UNC80: variants seen among roughly 807,000 people sequenced by gnomAD.
The protein encoded by UNC80 is protein unc-80 homolog.
Under a neutral mutation model 384.6 loss-of-function variants are expected in UNC80, and 164 were observed. That is an observed-to-expected ratio of 0.43 (90% confidence interval 0.38 to 0.49). The LOEUF is 0.49. UNC80 is among the 20% of genes least tolerant of loss of function. The pLI is 0.00. For missense variants in UNC80, 3,330 were observed against 4,143.0 expected, an observed-to-expected ratio of 0.80 and a Z score of 5.39; for synonymous variants, 1,486 against 1,527.8, an observed-to-expected ratio of 0.97 and a Z score of 0.64.
intron 61 of UNC80, among the ~76,000 whole-genome samples, chr2:209,989,591 C>T (rs1042636426): frequency 5.3e-5 from 8 of 152,138 alleles, no homozygotes; most frequent in East Asian, 1.9e-4. Context: ...AGTTGTAGTA[C>T]GTAGGGACTA....
Position 209,967,446 on chromosome 2 carries a change from A to G in UNC80, c.7815A>G (p.Glu2605=), listed in dbSNP as rs1272086971. The G allele has an allele frequency of 6.4e-7, 1 of 1,550,522 alleles. No individual in the cohort carries two copies. The change falls in exon 52 of 65, where the codon GAA becomes GAG. Residue 2605 remains glutamate (E), a synonymous_variant. Transcript: ENST00000673920. ...LDVKSHMRLA[E]IAHSLLKLAP... ...TATATATATATTTTAGGTTGGCAGA[A>G]ATTGCACACTCCCTTCTGAAGCTGG... is the stretch of plus-strand genomic sequence containing the variant.
chr2:209,865,861 T>C (rs1216671263), intron 22 of UNC80, among the ~76,000 whole-genome samples: 6 of 152,204 alleles, frequency 3.9e-5, no homozygotes, highest in Non-Finnish European at 7.3e-5. Context: ...AAAATCTCTT[T>C]ATTTTGATCT....
chr2:209,831,514 A>G lies in UNC80; in HGVS notation c.2698A>G (p.Ile900Val), dbSNP rs1281414301. 1.3e-6 allele frequency: 2 copies of G among 1,551,454 alleles called. No individual in the cohort carries two copies. The highest frequency in any genetic ancestry group is 1.7e-6 in the Non-Finnish European group (2 of 1,146,844). Residue 900 changes from isoleucine (I) to valine (V), a missense_variant, in exon 16 of 65, where the codon ATC becomes GTC. Ile to Val is a conservative substitution (Grantham distance 29). Coordinates refer to ENST00000673920, the MANE Select transcript of UNC80 (RefSeq NM_001371986.1). Reference sequence around the variant, plus strand: ...CACAGCCCAAAATGTGGAAGGCATTATCGTCAGCGCCATGTTTAAATCCCT... The same window carrying G: ...CACAGCCCAAAATGTGGAAGGCATTGTCGTCAGCGCCATGTTTAAATCCCT... ...KSTAQNVEGIIVSAMFKSLIT... is the reference protein window; with the variant it reads ...KSTAQNVEGIVVSAMFKSLIT...
At chr2:209,779,477 T>C (rs1228949283) in intron 4 of UNC80, among the ~76,000 whole-genome samples, 1 of 146,242 alleles carries the variant, frequency 6.8e-6, no homozygotes, top group East Asian at 2.1e-4. Flanking sequence ...CATGCTATCC[T>C]ACATTTTTTT....
At chr2:209,959,075 G>C in intron 49 of UNC80, 44 bp from the exon 50 acceptor site, 1 of 1,542,240 alleles carries the variant, frequency 6.5e-7, no homozygotes, top group Non-Finnish European at 8.8e-7. Context: ...AAAGGACCCC[G>C]TTCTTGCTCT....
chr2:209,947,841 G>A (rs943692880), intron 47 of UNC80, among the ~76,000 whole-genome samples: 1 of 152,056 alleles, frequency 6.6e-6, no homozygotes, highest in African/African-American at 2.4e-5. Flanking sequence ...CACTCAGATT[G>A]AAAAATCAGA....
At chr2:209,918,090 C>A in intron 32 of UNC80, 132 bp downstream of exon 32, 2 of 842,918 alleles carry the variant, frequency 2.4e-6, no homozygotes, top group Non-Finnish European at 3.6e-6. Context: ...TATAAGTAAA[C>A]CTAACATACA....
chr2:209,903,524 C>A lies in UNC80; in HGVS notation c.4582-1241C>A, dbSNP rs1210205324. The stretch of plus-strand genomic sequence containing the variant: ...ATATAGTATATATGTAATATATATA[C>A]TATATATATTATATATAGTATATAT... On this transcript the variant is annotated intron_variant, in intron 28 of 64. Transcript: ENST00000673920. Among the ~76,000 whole-genome samples, 6 of 710 alleles carry A rather than the reference C, an allele frequency of 8.5e-3. 2 individuals are homozygous for A. The highest frequency in any genetic ancestry group is 0.05 in the East Asian group (1 of 20). 0.5% of individuals were successfully genotyped at this position (710 alleles called of 152,430 possible). A position where few individuals can be genotyped will look rare whatever the true frequency, so the allele number is the denominator to read the frequency against.
At chr2:209,953,324 A>G (rs1559385672) in intron 47 of UNC80, among the ~76,000 whole-genome samples, 2 of 147,378 alleles carry the variant, frequency 1.4e-5, no homozygotes, top group East Asian at 2.1e-4. Flanking sequence ...AGGCTGAGGT[A>G]GGAGAATCAC....
chr2:209,939,597 C>G lies in UNC80; in HGVS notation c.6591C>G (p.Pro2197=). The change falls in exon 43 of 65, where the codon CCC becomes CCG. Residue 2197 remains proline (P), a synonymous_variant. Transcript: ENST00000673920. ...SMLQEDLLRL[P]SFPRSAIDAE... is the part of the protein sequence containing the mutation. ...TTCAGGAAGACCTCCTCCGCCTGCC[C>G]TCATTCCCTCGTAGTGCTATTGATG... 6.4e-7 allele frequency: 1 copy of G among 1,551,868 alleles called. No homozygotes were observed. Among genetic ancestry groups the G allele is most frequent in the Non-Finnish European group, 8.7e-7 (1 of 1,146,966 alleles).
intron 23 of UNC80, among the ~76,000 whole-genome samples, chr2:209,874,356 A>T (rs757416724): frequency 1.3e-5 from 2 of 152,170 alleles, no homozygotes; most frequent in Non-Finnish European, 2.9e-5. Flanking sequence ...GCTTCTCTGA[A>T]ACAACAGTCA....
chr2:209,868,133 A>G (rs1429205508), intron 22 of UNC80, among the ~76,000 whole-genome samples: 2 of 152,224 alleles, frequency 1.3e-5, no homozygotes, highest in Non-Finnish European at 2.9e-5. Flanking sequence ...AGTCTGGCAG[A>G]GAATTCAATA....
chr2:209,904,657 C>T (rs2087959357), intron 28 of UNC80, 108 bp from the exon 29 acceptor site: 2 of 944,252 alleles, frequency 2.1e-6, no homozygotes, highest in African/African-American at 1.6e-5. Flanking sequence ...TTTCAAGACA[C>T]ATCCAGGGAA....
rs2076931422 is a variant in UNC80 at position 209,777,498 on chromosome 2, A to G, written c.539A>G (p.Asn180Ser). 1 of 1,613,994 alleles carries G rather than the reference A, an allele frequency of 6.2e-7. No individual in the cohort carries two copies. Among genetic ancestry groups the G allele is most frequent in the South Asian group, 1.1e-5 (1 of 91,062 alleles). The part of the protein sequence containing the change: ...EENNRRKIFQ[N>S]SMATVELFVF... ...AACAACCGAAGAAAGATCTTCCAGA[A>G]CTCCATGGCTACTGTGGAGCTCTTC... Residue 180 changes from asparagine (N) to serine (S), a missense_variant, in exon 4 of 65, where the codon AAC becomes AGC. Around this residue, in one of 8 missense-constraint regions of UNC80, gnomAD observed 937 missense variants for 1,026.8 expected, o/e 0.91. Coordinates refer to ENST00000673920, the MANE Select transcript of UNC80 (RefSeq NM_001371986.1).
intron 14 of UNC80, among the ~76,000 whole-genome samples, chr2:209,828,429 AATACAG>A (rs2080703593): frequency 6.6e-6 from 1 of 152,182 alleles, no homozygotes; most frequent in South Asian, 2.1e-4. Flanking sequence ...CTGACTTTGC[AATACAG>A]ATGGAGAGAT....
At chr2:209,928,258 C>G (rs1319951508) in intron 36 of UNC80, among the ~76,000 whole-genome samples, 8 of 152,154 alleles carry the variant, frequency 5.3e-5, no homozygotes, top group African/African-American at 1.7e-4. Context: ...ATTGCTTGAA[C>G]CTGGAAGGCA....
rs1387738230 is a variant in UNC80 at position 209,932,990 on chromosome 2, A to G, written c.5995-832A>G. On this transcript the variant is annotated intron_variant, in intron 38 of 64. Transcript: ENST00000673920. Reference sequence around the variant, plus strand: ...ACACTGATTCTTTCAACATAACTACAAAGTTTTCCAGGACTACAAAATTTT... The same window carrying G: ...ACACTGATTCTTTCAACATAACTACGAAGTTTTCCAGGACTACAAAATTTT... Among the ~76,000 whole-genome samples the G allele has an allele frequency of 5.3e-5, 8 of 152,342 alleles. No individual in the cohort carries two copies. In the East Asian group the frequency reaches 9.6e-4, roughly 18 times the overall value.
At chr2:209,977,522 T>TA (rs1331969609) in intron 58 of UNC80, among the ~76,000 whole-genome samples, 1 of 152,174 alleles carries the variant, frequency 6.6e-6, no homozygotes, top group Non-Finnish European at 1.5e-5. Flanking sequence ...AAAGTCCCTG[T>TA]AAAAAATGAG....
chr2:209,956,918 ATCCCCAG>A (rs2092440021), intron 48 of UNC80, among the ~76,000 whole-genome samples: 1 of 152,210 alleles, frequency 6.6e-6, no homozygotes, highest in Non-Finnish European at 1.5e-5. Flanking sequence ...CTTTCTAGCC[ATCCCCAG>A]CAGACAGAAA....
Sources: gnomAD v4.1 joint callset for allele counts (sites outside exome capture counted in the v4.1 genomes callset) on GRCh38, gnomAD v4.1.1 for gene constraint, gnomAD v4.1.1 regional missense constraint, MANE v1.5 for transcripts, NCBI Gene and HGNC (gene_info 2026-07-23, HGNC 2026-07-21) for gene names.